Variants in MED27 observed in about 807,000 individuals in gnomAD.
MED27 encodes mediator complex subunit 27, also known as mediator of RNA polymerase II transcription subunit 27.
In MED27, 30 loss-of-function variants were observed where a neutral mutation model predicts 38.2. The ratio of observed to expected loss-of-function variants is 0.79; its 90% CI spans 0.59 to 1.07. The LOEUF (loss-of-function observed/expected upper bound fraction) is 1.07. MED27 is among the 50% of genes least tolerant of loss of function. MED27 has a pLI of 0.00. For missense variants in MED27, 289 were observed against 397.5 expected (o/e 0.73, Z 2.32); for synonymous variants, 122 against 153.5 (o/e 0.79, Z 1.52).
Position 131,909,563 on chromosome 9 carries a change from C to A in MED27, c.574-15571G>T, listed in dbSNP as rs10125793. 5.5e-3 allele frequency among the ~76,000 whole-genome samples: 831 copies of A among 152,326 alleles called. 4 individuals carry two copies. The highest frequency in any genetic ancestry group is 0.019 in the African/African-American group (793 of 41,572). On this transcript the variant is annotated intron_variant, in intron 4 of 7. Coordinates refer to ENST00000292035, the MANE Select transcript of MED27 (RefSeq NM_004269.4). ...ACCTGCCGCTTGCATTAGAAGGGTG[C>A]CACAGCAGCACTGGCTTTTTAATAT...
rs938273678 is a variant in MED27 at position 131,861,460 on chromosome 9, G to A, written c.802-788C>T. Among the ~76,000 whole-genome samples the A allele has an allele frequency of 1.3e-5, 2 of 152,216 alleles. No individual in the cohort carries two copies. The highest frequency in any genetic ancestry group is 1.3e-4 in the Admixed American group (2 of 15,284). ...AATTAAGAGAAAACTGTTATTTGAA[G>A]AGGTTGGCCGAGCTTATTGATACAC... On this transcript the variant is annotated intron_variant, in intron 7 of 7. Transcript: ENST00000292035. The surrounding 1 kb of genome is among the most constrained non-coding windows in gnomAD (Gnocchi z 4.4).
chr9:132,067,469 CA>C (rs985490724), intron 2 of MED27, among the ~76,000 whole-genome samples: 1 of 152,156 alleles, frequency 6.6e-6, no homozygotes, highest in African/African-American at 2.4e-5. Context: ...GGAGGAAGAA[CA>C]AGTGCAAAGG....
At chr9:131,894,907 G>C (rs1829800308) in intron 4 of MED27, among the ~76,000 whole-genome samples, 1 of 152,100 alleles carries the variant, frequency 6.6e-6, no homozygotes, top group Admixed American at 6.5e-5. Flanking sequence ...CCCTGCTCTG[G>C]CAAGACTGGA....
chr9:131,915,377 G>A (rs1160893056), intron 4 of MED27, among the ~76,000 whole-genome samples: 1 of 152,208 alleles, frequency 6.6e-6, no homozygotes, highest in Admixed American at 6.5e-5. Context: ...ATAGATGGAT[G>A]CGCAGTGAAA....
At chr9:131,965,611 A>C (rs1279648888) in intron 3 of MED27, among the ~76,000 whole-genome samples, 4 of 152,264 alleles carry the variant, frequency 2.6e-5, no homozygotes, top group Admixed American at 1.3e-4. Flanking sequence ...TCTGTCACTT[A>C]TGGTTCAGAG....
chr9:132,067,466 G>C (rs1833833866), intron 2 of MED27, among the ~76,000 whole-genome samples: 1 of 152,220 alleles, frequency 6.6e-6, no homozygotes. Context: ...GGAGGAGGAA[G>C]AACAAGTGCA....
At chr9:131,950,427 G>T (rs1435328533) in intron 3 of MED27, among the ~76,000 whole-genome samples, 1 of 152,206 alleles carries the variant, frequency 6.6e-6, no homozygotes, top group Non-Finnish European at 1.5e-5. Context: ...GCTGAGGACT[G>T]TCGCTGTGGC....
At chr9:132,047,525 T>C (rs1040771513) in intron 2 of MED27, among the ~76,000 whole-genome samples, 4 of 151,664 alleles carry the variant, frequency 2.6e-5, no homozygotes, top group African/African-American at 9.7e-5. Flanking sequence ...TGACCTATGG[T>C]TTTGTAATAA....
At chr9:131,895,454 A>G (rs1478245533) in intron 4 of MED27, among the ~76,000 whole-genome samples, 1 of 152,036 alleles carries the variant, frequency 6.6e-6, no homozygotes, top group African/African-American at 2.4e-5. Context: ...CCTTCCTTAT[A>G]TCCCCATTCC....
At chr9:132,019,688 G>A (rs889410245) in intron 2 of MED27, among the ~76,000 whole-genome samples, 1 of 152,234 alleles carries the variant, frequency 6.6e-6, no homozygotes, top group Non-Finnish European at 1.5e-5. Context: ...CACACCATTC[G>A]CAGGAGGACG....
At chr9:131,907,559 G>A (rs1357023269) in intron 4 of MED27, among the ~76,000 whole-genome samples, 3 of 152,240 alleles carry the variant, frequency 2.0e-5, no homozygotes, top group East Asian at 1.9e-4. Context: ...GCGTGATCTC[G>A]GCTGGCTACA....
chr9:132,055,259 G>GC (rs1454638186), intron 2 of MED27, among the ~76,000 whole-genome samples: 2 of 152,170 alleles, frequency 1.3e-5, no homozygotes, highest in Non-Finnish European at 2.9e-5. Context: ...AAATAGTTAT[G>GC]CCCCCAATAT....
chr9:131,955,243 A>C (rs955635975), intron 3 of MED27, among the ~76,000 whole-genome samples: 5 of 152,228 alleles, frequency 3.3e-5, no homozygotes, highest in Non-Finnish European at 5.9e-5. Context: ...TGATAAAAAT[A>C]TATTAAAACG....
At chr9:131,971,936 C>G (rs1314203515) in intron 3 of MED27, among the ~76,000 whole-genome samples, 1 of 152,164 alleles carries the variant, frequency 6.6e-6, no homozygotes, top group Admixed American at 6.5e-5. Flanking sequence ...TGAGGTCACT[C>G]TTCCATATAG....
rs917420610 is a variant in MED27, at chr9:131,982,459, G to T, written c.479+31878C>A. Among the ~76,000 whole-genome samples the T allele has an allele frequency of 6.6e-6, 1 of 152,212 alleles. No individual in the cohort carries two copies. The highest frequency in any genetic ancestry group is 1.5e-5 in the Non-Finnish European group (1 of 68,030). On this transcript the variant is annotated intron_variant, in intron 3 of 7. Coordinates refer to ENST00000292035, the MANE Select transcript of MED27 (RefSeq NM_004269.4). The surrounding 1 kb of genome is among the most constrained non-coding windows in gnomAD (Gnocchi z 4.3). The stretch of plus-strand genomic sequence containing the variant: ...CTGGGCCAGACCAGACTACACAATC[G>T]TGAGTAAATAAAATGTTTTGTTGTA...
intron 3 of MED27, among the ~76,000 whole-genome samples, chr9:132,014,055 A>C (rs868577648): frequency 1.2e-4 from 18 of 151,884 alleles, no homozygotes; most frequent in Middle Eastern, 3.4e-3. Flanking sequence ...AAAATACAAA[A>C]ATTAGCTGGG....
At chr9:132,039,868 C>T (rs959866265) in intron 2 of MED27, among the ~76,000 whole-genome samples, 2 of 152,182 alleles carry the variant, frequency 1.3e-5, no homozygotes, top group African/African-American at 4.8e-5. Context: ...TCTGTGACTG[C>T]AGGTCCCTCC....
intron 4 of MED27, among the ~76,000 whole-genome samples, chr9:131,934,779 T>C (rs1283467201): frequency 6.6e-6 from 1 of 152,218 alleles, no homozygotes; most frequent in Non-Finnish European, 1.5e-5. Context: ...GTTGCAGCAC[T>C]GTTCACAATA....
intron 3 of MED27, among the ~76,000 whole-genome samples, chr9:131,959,073 C>A (rs902534544): frequency 6.6e-6 from 1 of 152,168 alleles, no homozygotes; most frequent in Non-Finnish European, 1.5e-5. Flanking sequence ...ATAGAAAATT[C>A]TTTTCATGTT....
Sources: gnomAD v4.1 joint callset for allele counts (sites outside exome capture counted in the v4.1 genomes callset) on GRCh38, gnomAD v4.1.1 for gene constraint, Gnocchi (gnomAD v3.1) non-coding constraint, MANE v1.5 for transcripts, NCBI Gene and HGNC (gene_info 2026-07-23, HGNC 2026-07-21) for gene names.